The following WDR93 variants were observed in gnomAD, a reference collection of about 807,000 sequenced individuals.
WDR93 encodes the protein WD repeat-containing protein 93.
In WDR93, 73 loss-of-function variants were observed where a neutral mutation model predicts 82.9. The ratio of observed to expected loss-of-function variants is 0.88; its 90% CI spans 0.73 to 1.07. WDR93 has a LOEUF of 1.07. Ranked by LOEUF, WDR93 falls within the 50% of genes least tolerant of loss-of-function variation. WDR93 has a pLI of 0.00. For missense variants in WDR93, 738 were observed against 826.0 expected, an observed-to-expected ratio of 0.89 and a Z score of 1.31; for synonymous variants, 283 against 300.1, an observed-to-expected ratio of 0.94 and a Z score of 0.59.
chr15:89,690,840 G>A lies in WDR93; in HGVS notation c.-58G>A, dbSNP rs1596053940. 2 of 553,252 alleles carry A rather than the reference G, an allele frequency of 3.6e-6. No individual in the cohort carries two copies. The allele number at this position is 553,252 out of a possible 1,614,324, so 34.3% of individuals were successfully genotyped here. A position where few individuals can be genotyped will look rare whatever the true frequency, so the allele number is the denominator to read the frequency against. On this transcript the variant is annotated 5_prime_UTR_variant, in exon 1 of 17. Transcript: ENST00000268130. ...CGGAAGTTGTGGTTACCAAGGCGAC[G>A]CAACGCCGCCCGGCCAGGTGAGCAA...
At position 89,691,105 on chromosome 15, in the gene WDR93, C is replaced by A. The variant is rs541954505; in HGVS notation, c.-41+248C>A. 2.6e-5 allele frequency among the ~76,000 whole-genome samples: 4 copies of A among 152,040 alleles called. No homozygotes were observed. In the South Asian group the frequency reaches 8.3e-4, roughly 32 times the overall value. The stretch of plus-strand genomic sequence containing the variant: ...TTGGGACGGTGGGGCCTAATCATTT[C>A]CCAGCGCCGTGCCTCTTTCCCTTGA... On this transcript the variant is annotated intron_variant, in intron 1 of 16. Transcript: ENST00000268130.
chr15:89,716,844 A>G, intron 6 of WDR93, 67 bp from the exon 7 acceptor site: 3 of 1,119,128 alleles, frequency 2.7e-6, no homozygotes, highest in Non-Finnish European at 3.9e-6. Context: ...AGCATGCCAG[A>G]AGATTAAAGG....
At chr15:89,728,617 A>G (rs543046104) in intron 9 of WDR93, among the ~76,000 whole-genome samples, 1 of 152,318 alleles carries the variant, frequency 6.6e-6, no homozygotes, top group South Asian at 2.1e-4. Context: ...CAAACCCTAT[A>G]AATTGGGGCC....
intron 9 of WDR93, 75 bp from the exon 10 acceptor site, chr15:89,728,948 G>A: frequency 7.5e-7 from 1 of 1,333,974 alleles, no homozygotes; most frequent in Non-Finnish European, 1.1e-6. Context: ...TCTGGTTTTA[G>A]GACCAAGACT....
intron 4 of WDR93, among the ~76,000 whole-genome samples, chr15:89,707,142 A>C (rs1272138699): frequency 6.6e-6 from 1 of 152,248 alleles, no homozygotes; most frequent in Non-Finnish European, 1.5e-5. Context: ...GGGTCACCAA[A>C]GAAGATGTAT....
Position 89,727,221 on chromosome 15 carries a change from C to A in WDR93, c.945C>A (p.Ser315=), listed in dbSNP as rs754921046. The change falls in exon 9 of 17, where the codon TCC becomes TCA. Residue 315 remains serine (S), a synonymous_variant. Coordinates refer to ENST00000268130, the MANE Select transcript of WDR93 (RefSeq NM_020212.2). ...TCAAGGACTGCTACGGACTGGGCTC[C>A]GGGCAGAATCATTTCATCAAGGACA... ...AKIKDCYGLG[S]GQNHFIKDSQ... 3.1e-6 allele frequency: 5 copies of A among 1,614,006 alleles called. No individual in the cohort carries two copies. The Admixed American group carries it at 8.3e-5, about 27-fold the overall frequency.
rs1206824914 is a variant in WDR93 at position 89,702,946 on chromosome 15, C to T, written c.304-4C>T. On this transcript the variant is annotated splice_region_variant and splice_polypyrimidine_tract_variant and intron_variant, in intron 2 of 16. Transcript: ENST00000268130. ...AAAATAATATTTTTTCTTTGTTTTC[C>T]CAGCTCAACAAAATGCCAAATTGTA... The T allele has an allele frequency of 6.2e-7, 1 of 1,612,616 alleles. No homozygotes were observed. Among genetic ancestry groups the T allele is most frequent in the South Asian group, 1.1e-5 (1 of 90,570 alleles).
At chr15:89,736,451 G>A (rs1039970278) in intron 14 of WDR93, among the ~76,000 whole-genome samples, 1 of 152,098 alleles carries the variant, frequency 6.6e-6, no homozygotes, top group African/African-American at 2.4e-5. Context: ...GAAGTGGGGC[G>A]TACAGCAGGT....
Position 89,743,331 on chromosome 15 carries a change from G to A in WDR93, c.2001G>A (p.Glu667=), listed in dbSNP as rs1217384434. ...KLEKNPEKEE[E]HWARLQRYSL... ...AGAAGAACCCAGAGAAGGAGGAGGA[G>A]CACTGGGCCCGGCTTCAGAGGTACT... Residue 667 remains glutamate, a synonymous_variant, in exon 17 of 17, where the codon GAG becomes GAA. Coordinates refer to ENST00000268130, the MANE Select transcript of WDR93 (RefSeq NM_020212.2). The A allele has an allele frequency of 6.2e-7, 1 of 1,614,226 alleles. No individual in the cohort carries two copies.
chr15:89,742,691 G>A (rs541371953), intron 16 of WDR93, among the ~76,000 whole-genome samples: 2 of 152,092 alleles, frequency 1.3e-5, no homozygotes, highest in African/African-American at 2.4e-5. Context: ...GTGCCACCAC[G>A]CCTGGCAAGT....
Position 89,703,022 on chromosome 15 carries a change from A to G in WDR93, c.376A>G (p.Ile126Val), listed in dbSNP as rs1965546594. Residue 126 changes from isoleucine to valine, a missense_variant, in exon 3 of 17, where the codon ATT becomes GTT. Coordinates refer to ENST00000268130, the MANE Select transcript of WDR93 (RefSeq NM_020212.2). ...VFIGGAKGFS[I>V]YNLYSAKQIY... Reference sequence around the variant, plus strand: ...TATTGGAGGAGCCAAAGGATTCTCAATTTATAATCTGTACAGTGCTAAACA... The same window carrying G: ...TATTGGAGGAGCCAAAGGATTCTCAGTTTATAATCTGTACAGTGCTAAACA... 6.2e-7 allele frequency: 1 copy of G among 1,614,210 alleles called. No individual in the cohort carries two copies.
intron 5 of WDR93, among the ~76,000 whole-genome samples, chr15:89,714,531 G>A (rs945445716): frequency 6.6e-6 from 1 of 151,946 alleles, no homozygotes; most frequent in East Asian, 1.9e-4. Flanking sequence ...TCACCATGTT[G>A]GCCAGGCTGA....
At chr15:89,736,843 G>C (rs1285774099) in intron 14 of WDR93, among the ~76,000 whole-genome samples, 3 of 151,186 alleles carry the variant, frequency 2.0e-5, no homozygotes, top group South Asian at 4.2e-4. Flanking sequence ...CCAGGCTGGA[G>C]TGCAGTGGTG....
intron 15 of WDR93, 38 bp from the exon 16 acceptor site, chr15:89,738,003 A>C: frequency 6.4e-7 from 1 of 1,562,764 alleles, no homozygotes; most frequent in Non-Finnish European, 8.7e-7. Flanking sequence ...TGAGAAAGCG[A>C]TTGTTACACA....
intron 13 of WDR93, 86 bp downstream of exon 13, chr15:89,733,305 G>C: frequency 7.9e-7 from 1 of 1,271,442 alleles, no homozygotes; most frequent in Non-Finnish European, 1.1e-6. Flanking sequence ...CAGCCTCTCT[G>C]ACTACAGTCC....
intron 1 of WDR93, among the ~76,000 whole-genome samples, chr15:89,700,594 A>C (rs1965412845): frequency 7.3e-6 from 1 of 136,558 alleles, no homozygotes; most frequent in Admixed American, 8.1e-5. Flanking sequence ...GCAAGGTCTC[A>C]CTCTGTCATC....
At chr15:89,720,544 T>G (rs1255852299) in intron 7 of WDR93, among the ~76,000 whole-genome samples, 1 of 152,240 alleles carries the variant, frequency 6.6e-6, no homozygotes, top group African/African-American at 2.4e-5. Flanking sequence ...GTGCTGGAAT[T>G]ATAGGCGTGA....
At chr15:89,705,731 C>T (rs1426575727) in intron 4 of WDR93, 113 bp downstream of exon 4, 1 of 748,080 alleles carries the variant, frequency 1.3e-6, no homozygotes, top group African/African-American at 1.8e-5. Context: ...TAGAGACCTC[C>T]ATGGCCAGAG....
At chr15:89,701,607 A>G in intron 1 of WDR93, 100 bp from the exon 2 acceptor site, 1 of 1,008,528 alleles carries the variant, frequency 9.9e-7, no homozygotes, top group South Asian at 1.6e-5. Context: ...AGTCTGTGGA[A>G]TAAGCAGTCC....
Sources: allele counts gnomAD v4.1 joint callset (sites outside exome capture counted in the v4.1 genomes callset), GRCh38; gene constraint gnomAD v4.1.1; transcripts MANE v1.5; gene names NCBI Gene and HGNC (gene_info 2026-07-23, HGNC 2026-07-21).